The following CMTM8 variants were observed in gnomAD, a reference collection of about 807,000 sequenced individuals.
CMTM8 encodes CKLF like MARVEL transmembrane domain containing 8, also known as CKLF-like MARVEL transmembrane domain-containing protein 8.
In CMTM8, 12 loss-of-function variants were observed where a neutral mutation model predicts 18.6. That is an observed-to-expected ratio of 0.65 (90% CI 0.41 to 1.05). The LOEUF is 1.05. CMTM8 is among the 50% of genes least tolerant of loss of function. CMTM8 has a pLI of 0.00. For synonymous variants in CMTM8, 87 were observed against 90.6 expected, an observed-to-expected ratio of 0.96 and a Z score of 0.23; for missense variants, 217 against 227.2, an observed-to-expected ratio of 0.95 and a Z score of 0.29.
Position 32,262,568 on chromosome 3 carries a change from C to A in CMTM8, c.147+23449C>A, listed in dbSNP as rs117608499. 2.4e-4 allele frequency among the ~76,000 whole-genome samples: 37 copies of A among 152,294 alleles called. No homozygotes were observed. The East Asian group carries it at 6.7e-3, about 28-fold the overall frequency. On this transcript the variant is annotated intron_variant, in intron 1 of 3. Transcript: ENST00000307526. Reference sequence around the variant, plus strand: ...GCTTCTAAAACATTCTAAGGACGTGCCCTATTTCAGTTAAGACACACATTT... The same window carrying A: ...GCTTCTAAAACATTCTAAGGACGTGACCTATTTCAGTTAAGACACACATTT...
chr3:32,246,194 G>C (rs748301526), intron 1 of CMTM8, among the ~76,000 whole-genome samples: 1 of 151,996 alleles, frequency 6.6e-6, no homozygotes, highest in South Asian at 2.1e-4. Context: ...CCTTCCATTT[G>C]TCCTTCACAT....
chr3:32,351,350 G>A (rs1392079162), intron 1 of CMTM8, among the ~76,000 whole-genome samples: 1 of 152,112 alleles, frequency 6.6e-6, no homozygotes, highest in Non-Finnish European at 1.5e-5. Flanking sequence ...ACAGGAGAAT[G>A]TTTTTATAAT....
chr3:32,243,226 A>G (rs1251956903), intron 1 of CMTM8, among the ~76,000 whole-genome samples: 1 of 151,992 alleles, frequency 6.6e-6, no homozygotes, highest in African/African-American at 2.4e-5. Context: ...AAAGTTTATA[A>G]AAATAAACAT....
intron 1 of CMTM8, among the ~76,000 whole-genome samples, chr3:32,266,445 G>A: frequency 6.6e-6 from 1 of 152,116 alleles, no homozygotes; most frequent in East Asian, 1.9e-4. Flanking sequence ...GGTATTGATG[G>A]GACGTATCTC....
At chr3:32,367,829 A>C in intron 2 of CMTM8, 43 bp from the exon 3 acceptor site, 6 of 1,301,684 alleles carry the variant, frequency 4.6e-6, no homozygotes, top group South Asian at 1.2e-5. Flanking sequence ...AGGTATGCAG[A>C]CCCTCCCCTC....
At chr3:32,276,404 C>G (rs940280571) in intron 1 of CMTM8, among the ~76,000 whole-genome samples, 1 of 152,156 alleles carries the variant, frequency 6.6e-6, no homozygotes, top group African/African-American at 2.4e-5. Flanking sequence ...ACAGCAATGC[C>G]GTGGATATTT....
chr3:32,284,375 G>C (rs1334679707), intron 1 of CMTM8, among the ~76,000 whole-genome samples: 1 of 152,320 alleles, frequency 6.6e-6, no homozygotes, highest in Non-Finnish European at 1.5e-5. Context: ...GAGTTAAGTC[G>C]GGATCTGCGA....
chr3:32,342,971 G>C (rs1205379181), intron 1 of CMTM8, among the ~76,000 whole-genome samples: 1 of 152,148 alleles, frequency 6.6e-6, no homozygotes, highest in Non-Finnish European at 1.5e-5. Flanking sequence ...ATGGAATTCA[G>C]GTAGACTGAC....
chr3:32,287,516 A>G (rs1037960917), intron 1 of CMTM8, among the ~76,000 whole-genome samples: 6 of 152,202 alleles, frequency 3.9e-5, no homozygotes, highest in African/African-American at 1.4e-4. Flanking sequence ...AAATTTTAAT[A>G]TAGGTTGGGT....
intron 1 of CMTM8, among the ~76,000 whole-genome samples, chr3:32,313,079 A>G (rs1695850771): frequency 6.6e-6 from 1 of 152,076 alleles, no homozygotes; most frequent in South Asian, 2.1e-4. Flanking sequence ...TAACATATTC[A>G]TGGGTTCTGA....
chr3:32,266,657 T>C (rs975764014), intron 1 of CMTM8, among the ~76,000 whole-genome samples: 1 of 152,108 alleles, frequency 6.6e-6, no homozygotes, highest in African/African-American at 2.4e-5. Context: ...AAAGAGGAAG[T>C]CAAATTGTCC....
At chr3:32,312,302 T>C (rs1486822646) in intron 1 of CMTM8, among the ~76,000 whole-genome samples, 2 of 152,072 alleles carry the variant, frequency 1.3e-5, no homozygotes, top group African/African-American at 2.4e-5. Context: ...AGATAAAAAG[T>C]TTCTTTTCTT....
rs1696838861 is a variant in CMTM8 at position 32,357,453 on chromosome 3, A to C, written c.228A>C (p.Val76=). 1 of 1,613,826 alleles carries C rather than the reference A, an allele frequency of 6.2e-7. No individual in the cohort carries two copies. The highest frequency in any genetic ancestry group is 1.3e-5 in the African/African-American group (1 of 74,828). Residue 76 remains valine (V), a synonymous_variant, in exon 2 of 4, where the codon GTA becomes GTC. Transcript: ENST00000307526. ...RVPAFGWVMF[V]AVFYWVLTVF... ...CCGCATTTGGCTGGGTCATGTTTGT[A>C]GCTGTATTTTACTGGGTCCTCACCG...
chr3:32,259,948 G>A, intron 1 of CMTM8: 1 of 1,149,944 alleles, frequency 8.7e-7, no homozygotes, highest in Non-Finnish European at 1.3e-6. Flanking sequence ...AGATAGAGCA[G>A]CTCAACGGGA....
intron 1 of CMTM8, chr3:32,259,058 G>A (rs577972789): frequency 2.4e-4 from 88 of 363,784 alleles, no homozygotes; most frequent in South Asian, 1.6e-3. Flanking sequence ...TGCAGGCGCC[G>A]GAGGGCAGGG....
At chr3:32,357,633 C>A in intron 2 of CMTM8, 87 bp downstream of exon 2, 1 of 1,361,414 alleles carries the variant, frequency 7.3e-7, no homozygotes, top group South Asian at 1.3e-5. Flanking sequence ...GACTGTCTCT[C>A]TGCCCAGAAA....
chr3:32,365,089 C>T (rs1697005306), intron 2 of CMTM8, among the ~76,000 whole-genome samples: 1 of 152,142 alleles, frequency 6.6e-6, no homozygotes, highest in Non-Finnish European at 1.5e-5. Context: ...GTGTCCCTGT[C>T]ACCCCGAGGC....
intron 1 of CMTM8, among the ~76,000 whole-genome samples, chr3:32,295,353 G>A (rs1224508978): frequency 6.7e-6 from 1 of 150,120 alleles, no homozygotes; most frequent in African/African-American, 2.4e-5. Flanking sequence ...CTACTCGGGA[G>A]GCTGAGACAG....
At chr3:32,288,501 A>G (rs1702721447) in intron 1 of CMTM8, among the ~76,000 whole-genome samples, 1 of 90,548 alleles carries the variant, frequency 1.1e-5, no homozygotes, top group South Asian at 5.7e-4. Flanking sequence ...TAGGCTATAC[A>G]GCTATCATTT....
Sources: gnomAD v4.1 joint callset for allele counts (sites outside exome capture counted in the v4.1 genomes callset) on GRCh38, gnomAD v4.1.1 for gene constraint, MANE v1.5 for transcripts, NCBI Gene and HGNC (gene_info 2026-07-23, HGNC 2026-07-21) for gene names.